The following ALDH5A1 variants were observed in gnomAD, a reference collection of about 807,000 sequenced individuals.
The protein encoded by ALDH5A1 is aldehyde dehydrogenase 5 family member A1, also known as succinate-semialdehyde dehydrogenase, mitochondrial.
In ALDH5A1, 33 loss-of-function variants were observed where a neutral mutation model predicts 54.7. The ratio of observed to expected loss-of-function variants is 0.60; its 90% CI spans 0.46 to 0.81. ALDH5A1 has a LOEUF of 0.81. Ranked by LOEUF, ALDH5A1 falls within the 30% of genes least tolerant of loss-of-function variation. ALDH5A1 has a pLI of 0.00. For synonymous variants in ALDH5A1, 294 were observed against 292.7 expected, an observed-to-expected ratio of 1.00 and a Z score of -0.05; for missense variants, 657 against 711.0, an observed-to-expected ratio of 0.92 and a Z score of 0.86.
At chr6:24,500,872 T>G (rs1019321307) in intron 1 of ALDH5A1, among the ~76,000 whole-genome samples, 2 of 151,608 alleles carry the variant, frequency 1.3e-5, no homozygotes, top group Middle Eastern at 6.8e-3. Context: ...AGCAATATAG[T>G]GAGACCTTGT....
chr6:24,504,386 G>T (rs1759293756), intron 3 of ALDH5A1, among the ~76,000 whole-genome samples: 1 of 152,158 alleles, frequency 6.6e-6, no homozygotes, highest in African/African-American at 2.4e-5. Flanking sequence ...TAAATCATCT[G>T]CCATTTTCAA....
intron 8 of ALDH5A1, 80 bp downstream of exon 8, chr6:24,528,246 G>T: frequency 6.4e-7 from 1 of 1,555,674 alleles, no homozygotes; most frequent in Admixed American, 1.8e-5. Flanking sequence ...TTCCTGGGCT[G>T]CTTTGAGGTC....
intron 1 of ALDH5A1, among the ~76,000 whole-genome samples, chr6:24,501,880 TATA>T (rs1764825044): frequency 1.0e-4 from 1 of 9,954 alleles, no homozygotes; most frequent in African/African-American, 3.5e-4. Flanking sequence ...ATGTTTTATA[TATA>T]TATATATATA....
In ALDH5A1 at chr6:24,495,168, C is replaced by G; in HGVS notation, c.172C>G (p.Leu58Val). 2.7e-6 allele frequency: 4 copies of G among 1,484,162 alleles called. No homozygotes were observed. Among genetic ancestry groups the G allele is most frequent in the Non-Finnish European group, 3.6e-6 (4 of 1,124,698 alleles). The allele number at this position is 1,484,162 out of a possible 1,614,324, so 91.9% of individuals were successfully genotyped here. Residue 58 changes from leucine (L) to valine (V), a missense_variant, in exon 1 of 10, where the codon CTG becomes GTG. Around this residue, in one of 2 missense-constraint regions of ALDH5A1, gnomAD observed 232 missense variants for 194.6 expected, o/e 1.19. Transcript: ENST00000357578. ...GCGCCTGGCGGGCCTCTCTGCGGCG[C>G]TGCTGCGCACCGACAGCTTCGTGGG... ...AGRLAGLSAA[L>V]LRTDSFVGGR... is the part of the protein sequence containing the mutation.
intron 1 of ALDH5A1, 44 bp downstream of exon 1, chr6:24,495,394 C>A: frequency 6.6e-7 from 1 of 1,520,238 alleles, no homozygotes; most frequent in South Asian, 1.2e-5. Context: ...GCCGGGGACA[C>A]GGCGGGGAGC....
intron 1 of ALDH5A1, among the ~76,000 whole-genome samples, chr6:24,497,565 AAGAC>A (rs1764739051): frequency 6.8e-6 from 1 of 147,942 alleles, no homozygotes; most frequent in African/African-American, 2.4e-5. Flanking sequence ...ATCCTCTTGT[AAGAC>A]AGAAAAGTTC....
intron 7 of ALDH5A1, among the ~76,000 whole-genome samples, chr6:24,526,986 A>ATCTAC (rs1759823147): frequency 2.8e-5 from 1 of 35,780 alleles, no homozygotes; most frequent in African/African-American, 6.1e-5. Context: ...ATATATATAT[A>ATCTAC]TATATATATA....
chr6:24,519,576 T>C (rs938297503), intron 5 of ALDH5A1, among the ~76,000 whole-genome samples: 1 of 151,820 alleles, frequency 6.6e-6, no homozygotes. Flanking sequence ...ATAATAATAA[T>C]AAATAAAGTT....
chr6:24,525,605 G>A (rs1305494942), intron 7 of ALDH5A1, among the ~76,000 whole-genome samples: 1 of 152,070 alleles, frequency 6.6e-6, no homozygotes, highest in Non-Finnish European at 1.5e-5. Context: ...CTACTCAGGA[G>A]GCGGGGGCAA....
At chr6:24,531,912 A>AG (rs1337301818) in intron 8 of ALDH5A1, 2 of 615,636 alleles carry the variant, frequency 3.2e-6, no homozygotes, top group East Asian at 5.7e-5. Context: ...GGAGAGATGA[A>AG]GCCAGTATTG....
chr6:24,536,131 C>G lies in ALDH5A1; in HGVS notation c.*2419C>G, dbSNP rs1273341191. 3 of 152,014 alleles carry G rather than the reference C, an allele frequency of 2.0e-5. No individual in the cohort carries two copies. Among genetic ancestry groups the G allele is most frequent in the Non-Finnish European group, 4.4e-5 (3 of 68,014 alleles). 9.4% of individuals were successfully genotyped at this position (152,014 alleles called of 1,614,324 possible). On this transcript the variant is annotated 3_prime_UTR_variant, in exon 10 of 10. Transcript: ENST00000357578. The stretch of plus-strand genomic sequence containing the variant: ...TTTGTTGTTTTTTAAATAAAGTAGC[C>G]ATATGTAACGGGATTTTAAAAATAT...
chr6:24,513,411 G>C (rs1431474214), intron 4 of ALDH5A1, among the ~76,000 whole-genome samples: 4 of 152,076 alleles, frequency 2.6e-5, no homozygotes, highest in African/African-American at 4.8e-5. Flanking sequence ...CAGTGTTCTT[G>C]TCAGAATTTT....
chr6:24,501,518 A>G (rs1764817009), intron 1 of ALDH5A1, among the ~76,000 whole-genome samples: 1 of 152,204 alleles, frequency 6.6e-6, no homozygotes, highest in Non-Finnish European at 1.5e-5. Context: ...CCTGAGTCAC[A>G]TTCTGCTTAA....
chr6:24,528,065 A>G lies in ALDH5A1; in HGVS notation c.1242A>G (p.Gln414=). The change falls in exon 8 of 10, where the codon CAA becomes CAG. Residue 414 remains glutamine (Q), a synonymous_variant. Coordinates refer to ENST00000357578, the MANE Select transcript of ALDH5A1 (RefSeq NM_001080.3). ...ATVVTGGKRH[Q]LGKNFFEPTL... Reference sequence around the variant, plus strand: ...TTGTGACAGGTGGAAAACGACACCAACTTGGAAAAAATTTCTTTGAGCCTA... The same window carrying G: ...TTGTGACAGGTGGAAAACGACACCAGCTTGGAAAAAATTTCTTTGAGCCTA... 6.2e-7 allele frequency: 1 copy of G among 1,614,200 alleles called. No homozygotes were observed. The highest frequency in any genetic ancestry group is 8.5e-7 in the Non-Finnish European group (1 of 1,180,016).
intron 8 of ALDH5A1, among the ~76,000 whole-genome samples, chr6:24,529,900 G>A (rs1759896015): frequency 6.6e-6 from 1 of 151,756 alleles, no homozygotes; most frequent in Non-Finnish European, 1.5e-5. Context: ...TCGAACTCCT[G>A]ACCTCAAGTG....
At chr6:24,528,629 G>A (rs1163274629) in intron 8 of ALDH5A1, among the ~76,000 whole-genome samples, 1 of 151,822 alleles carries the variant, frequency 6.6e-6, no homozygotes, top group Non-Finnish European at 1.5e-5. Context: ...CCAAAGTGCT[G>A]GGATTATGGG....
chr6:24,497,487 C>T (rs533126390), intron 1 of ALDH5A1, among the ~76,000 whole-genome samples: 19 of 152,284 alleles, frequency 1.2e-4, no homozygotes, highest in African/African-American at 3.9e-4. Context: ...GTGCATTTTA[C>T]AATCCTCTTG....
chr6:24,519,138 C>A (rs1201177521), intron 5 of ALDH5A1, among the ~76,000 whole-genome samples: 1 of 151,770 alleles, frequency 6.6e-6, no homozygotes, highest in African/African-American at 2.4e-5. Context: ...GTAGCCCAGG[C>A]TGGAGTGCAG....
chr6:24,518,340 A>G lies in ALDH5A1; in HGVS notation c.871-2061A>G, dbSNP rs112965155. On this transcript the variant is annotated intron_variant, in intron 5 of 9. Transcript: ENST00000357578. This position sits in a 1 kb window ranked among gnomAD's most constrained non-coding sequence, Gnocchi z 4.2. ...TCATTAAGACATGACAGGAGTTTAC[A>G]CTATACCCAGTGGCCAGGGCAAGCC... Among the ~76,000 whole-genome samples the G allele has an allele frequency of 5.9e-5, 9 of 152,318 alleles. No homozygotes were observed. Among genetic ancestry groups the G allele is most frequent in the African/African-American group, 2.2e-4 (9 of 41,568 alleles).
Sources: allele counts gnomAD v4.1 joint callset (sites outside exome capture counted in the v4.1 genomes callset), GRCh38; gene constraint gnomAD v4.1.1; regional missense constraint gnomAD v4.1.1; non-coding constraint Gnocchi (gnomAD v3.1); transcripts MANE v1.5; gene names NCBI Gene and HGNC (gene_info 2026-07-23, HGNC 2026-07-21).